The following SLC24A3 variants were observed in gnomAD, a reference collection of about 807,000 sequenced individuals.
The protein encoded by SLC24A3 is solute carrier family 24 member 3.
SLC24A3 carries 28 observed loss-of-function variants against 75.8 expected under a neutral mutation model. That is an observed-to-expected ratio of 0.37 (90% CI 0.27 to 0.51). The LOEUF is 0.51. Ranked by LOEUF, SLC24A3 falls within the 20% of genes least tolerant of loss-of-function variation. The pLI is 0.94. For missense variants in SLC24A3, 663 were observed against 847.8 expected (o/e 0.78, Z 2.71); for synonymous variants, 372 against 334.1 (o/e 1.11, Z -1.24).
intron 3 of SLC24A3, among the ~76,000 whole-genome samples, chr20:19,527,517 C>T (rs2030220370): frequency 6.6e-6 from 1 of 152,168 alleles, no homozygotes; most frequent in Non-Finnish European, 1.5e-5. Flanking sequence ...GGGGGCCAGA[C>T]CTTCCTTAAG....
chr20:19,415,522 T>A (rs989945725), intron 2 of SLC24A3, among the ~76,000 whole-genome samples: 1 of 152,164 alleles, frequency 6.6e-6, no homozygotes, highest in African/African-American at 2.4e-5. Flanking sequence ...GTAAGTATTC[T>A]AAGTTCCACT....
intron 1 of SLC24A3, among the ~76,000 whole-genome samples, chr20:19,240,282 A>C (rs1982293376): frequency 6.6e-6 from 1 of 152,154 alleles, no homozygotes; most frequent in African/African-American, 2.4e-5. Flanking sequence ...GAGCCATTGC[A>C]GCCTCAATGG....
chr20:19,389,632 T>C (rs1304066247), intron 2 of SLC24A3, among the ~76,000 whole-genome samples: 1 of 152,238 alleles, frequency 6.6e-6, no homozygotes, highest in African/African-American at 2.4e-5. Flanking sequence ...GGCAATTTGC[T>C]TTTCTCTTAC....
chr20:19,516,719 G>T (rs2122559588), intron 3 of SLC24A3, among the ~76,000 whole-genome samples: 1 of 152,322 alleles, frequency 6.6e-6, no homozygotes, highest in South Asian at 2.1e-4. Context: ...GCAGCCCAGA[G>T]AGCTCAGAAA....
At chr20:19,688,803 A>G (rs554956780) in intron 12 of SLC24A3, among the ~76,000 whole-genome samples, 1 of 152,334 alleles carries the variant, frequency 6.6e-6, no homozygotes, top group Non-Finnish European at 1.5e-5. Flanking sequence ...TTGTGAGTTC[A>G]TATATGTACA....
chr20:19,288,073 T>C (rs1244517111), intron 2 of SLC24A3, among the ~76,000 whole-genome samples: 1 of 152,244 alleles, frequency 6.6e-6, no homozygotes, highest in African/African-American at 2.4e-5. Flanking sequence ...AGATCATTTA[T>C]AGGAATTTAC....
chr20:19,439,211 A>G (rs1399639090), intron 2 of SLC24A3, among the ~76,000 whole-genome samples: 1 of 152,204 alleles, frequency 6.6e-6, no homozygotes, highest in Non-Finnish European at 1.5e-5. Context: ...CCAGACCCAC[A>G]TTCAGTGGAG....
chr20:19,683,016 A>G (rs1042793274), intron 10 of SLC24A3, among the ~76,000 whole-genome samples: 2 of 152,106 alleles, frequency 1.3e-5, no homozygotes, highest in African/African-American at 4.8e-5. Context: ...TCTTGGTCCC[A>G]TATGGTTGCT....
chr20:19,409,513 C>A (rs1986708219), intron 2 of SLC24A3, among the ~76,000 whole-genome samples: 1 of 148,988 alleles, frequency 6.7e-6, no homozygotes, highest in Non-Finnish European at 1.5e-5. Context: ...GGATGAGCCA[C>A]TGAGTCAGAA....
At chr20:19,443,638 T>C (rs536583728) in intron 2 of SLC24A3, among the ~76,000 whole-genome samples, 59 of 152,224 alleles carry the variant, frequency 3.9e-4, no homozygotes, top group Admixed American at 6.5e-4. Context: ...TCATTTCTTC[T>C]TCTCCAATCT....
rs112139867 is a variant in SLC24A3 at position 19,721,381 on chromosome 20, C to T, written c.*241C>T. 6.2e-5 allele frequency: 28 copies of T among 452,470 alleles called. 1 individual carries two copies. The highest frequency in any genetic ancestry group is 4.6e-4 in the African/African-American group (23 of 50,346). The allele number at this position is 452,470 out of a possible 1,614,324, so 28.0% of individuals were successfully genotyped here. Reference sequence around the variant, plus strand: ...TCCGTGTGAAGACATCCAACATCCACGTGACTTTTCCAGCTCCATTTTTGA... The same window carrying T: ...TCCGTGTGAAGACATCCAACATCCATGTGACTTTTCCAGCTCCATTTTTGA... On this transcript the variant is annotated 3_prime_UTR_variant, in exon 17 of 17. Transcript: ENST00000328041.
chr20:19,629,223 C>G (rs1408215566), intron 6 of SLC24A3, among the ~76,000 whole-genome samples: 1 of 151,778 alleles, frequency 6.6e-6, no homozygotes, highest in Non-Finnish European at 1.5e-5. Context: ...TAAAAAAGAA[C>G]TAAACAGAAA....
At chr20:19,584,383 C>A (rs2031263796) in intron 4 of SLC24A3, among the ~76,000 whole-genome samples, 1 of 152,140 alleles carries the variant, frequency 6.6e-6, no homozygotes, top group South Asian at 2.1e-4. Context: ...CAACATGCCT[C>A]CATAACCTCC....
chr20:19,548,455 C>A (rs1236526976), intron 3 of SLC24A3, among the ~76,000 whole-genome samples: 1 of 152,148 alleles, frequency 6.6e-6, no homozygotes, highest in Non-Finnish European at 1.5e-5. Context: ...ATTGTAGTAA[C>A]AAATAAACCC....
At chr20:19,340,158 C>T (rs1253361840) in intron 2 of SLC24A3, among the ~76,000 whole-genome samples, 2 of 152,164 alleles carry the variant, frequency 1.3e-5, no homozygotes, top group East Asian at 3.8e-4. Flanking sequence ...AAGGTTTTTA[C>T]AGAGGTAATT....
chr20:19,319,293 G>A (rs1218367411), intron 2 of SLC24A3, among the ~76,000 whole-genome samples: 1 of 152,186 alleles, frequency 6.6e-6, no homozygotes, highest in Non-Finnish European at 1.5e-5. Flanking sequence ...CTTAAAAAGT[G>A]TATCTCAAGT....
intron 2 of SLC24A3, among the ~76,000 whole-genome samples, chr20:19,306,649 T>C (rs1452380287): frequency 6.6e-6 from 1 of 151,742 alleles, no homozygotes; most frequent in Non-Finnish European, 1.5e-5. Context: ...GAGCTAAACA[T>C]TGGGTACACA....
At chr20:19,383,383 T>G (rs143294207) in intron 2 of SLC24A3, among the ~76,000 whole-genome samples, 2 of 151,636 alleles carry the variant, frequency 1.3e-5, no homozygotes. Flanking sequence ...GAAGTTAAGT[T>G]TTTTTTTTCC....
chr20:19,254,806 C>A lies in SLC24A3; in HGVS notation c.143-26153C>A, dbSNP rs377227222. ...CCTGGAGTTCCAGGTTTCTCCAGGG[C>A]AGCATGGTGGTCAGGAACCTGCATC... On this transcript the variant is annotated intron_variant, in intron 1 of 16. Transcript: ENST00000328041. 2.0e-3 allele frequency among the ~76,000 whole-genome samples: 309 copies of A among 152,226 alleles called. 9 individuals carry two copies. In the South Asian group the frequency reaches 0.058, roughly 29 times the overall value.
Sources: allele counts gnomAD v4.1 joint callset (sites outside exome capture counted in the v4.1 genomes callset), GRCh38; gene constraint gnomAD v4.1.1; transcripts MANE v1.5; gene names NCBI Gene and HGNC (gene_info 2026-07-23, HGNC 2026-07-21).